Variants in TJP2 observed in about 807,000 individuals in gnomAD.
TJP2 encodes the protein tight junction protein 2.
TJP2 carries 91 observed loss-of-function variants against 133.1 expected under a neutral mutation model. That is an observed-to-expected ratio of 0.68 (90% CI 0.58 to 0.81). The LOEUF is 0.81. Among genes scored for constraint, TJP2 ranks in the 40% least tolerant of loss-of-function variants. The pLI, the probability that TJP2 is intolerant of heterozygous loss-of-function variation, is 0.00. For missense variants in TJP2, 1,541 were observed against 1,565.6 expected, an observed-to-expected ratio of 0.98 and a Z score of 0.26; for synonymous variants, 592 against 583.4, an observed-to-expected ratio of 1.01 and a Z score of -0.21.
intron 1 of TJP2, among the ~76,000 whole-genome samples, chr9:69,183,897 G>A (rs572531939): frequency 2.6e-5 from 4 of 152,118 alleles, no homozygotes; most frequent in African/African-American, 9.7e-5. Context: ...ACTACACCTA[G>A]CTAATTTTTG....
chr9:69,161,672 T>G (rs1035118033), intron 2 of TJP2, among the ~76,000 whole-genome samples: 5 of 151,772 alleles, frequency 3.3e-5, no homozygotes, highest in Non-Finnish European at 5.9e-5. Flanking sequence ...TATATATTAT[T>G]AATATTTATG....
At chr9:69,206,500 C>T (rs1314203965) in intron 1 of TJP2, among the ~76,000 whole-genome samples, 2 of 152,160 alleles carry the variant, frequency 1.3e-5, no homozygotes, top group African/African-American at 4.8e-5. Context: ...GGTATTAGAT[C>T]CTTCACCAGG....
At chr9:69,164,418 G>A (rs1028410324) in intron 2 of TJP2, among the ~76,000 whole-genome samples, 5 of 152,128 alleles carry the variant, frequency 3.3e-5, no homozygotes, top group African/African-American at 1.2e-4. Flanking sequence ...TAGAGCCCCT[G>A]AGAGGAGGGC....
chr9:69,191,214 C>T (rs2309425), intron 1 of TJP2, among the ~76,000 whole-genome samples: 71,540 of 152,074 alleles, frequency 0.47, 17,093 homozygotes, highest in South Asian at 0.53. Context: ...ATGCAGATTT[C>T]CTCCGTGTTA....
rs1209246576 is a variant in TJP2, at chr9:69,255,154, A to C, written c.*780A>C. The C allele has an allele frequency of 6.6e-6, 1 of 152,418 alleles. No individual in the cohort carries two copies. Among genetic ancestry groups the C allele is most frequent in the African/African-American group, 2.4e-5 (1 of 41,472 alleles). 9.4% of individuals were successfully genotyped at this position (152,418 alleles called of 1,614,324 possible). On this transcript the variant is annotated 3_prime_UTR_variant, in exon 23 of 23. Coordinates refer to ENST00000377245, the MANE Select transcript of TJP2 (RefSeq NM_004817.4). ...AAACACTATTTCCAAAAGCACATGT[A>C]TTGACAACAGTTTTATAATTTAATA...
chr9:69,234,008 T>C (rs1829979452), intron 11 of TJP2, among the ~76,000 whole-genome samples: 1 of 152,208 alleles, frequency 6.6e-6, no homozygotes. Flanking sequence ...AAAATTAGTG[T>C]AAATGCTGGG....
chr9:69,171,045 C>CAGTTT (rs142297059), upstream of TJP2, among the ~76,000 whole-genome samples: 1,073 of 152,290 alleles, frequency 7.0e-3, 20 homozygotes, highest in African/African-American at 0.025. Context: ...CCTGGATGAC[C>CAGTTT]CATAGCACTT....
chr9:69,230,014 T>A lies in TJP2; in HGVS notation c.1521-68T>A, dbSNP rs145151862. 8,200 of 1,580,472 alleles carry A rather than the reference T, an allele frequency of 5.2e-3. 50 individuals are homozygous for A. The highest frequency in any genetic ancestry group is 0.018 in the South Asian group (1,656 of 89,918). On this transcript the variant is annotated intron_variant, in intron 10 of 22. Transcript: ENST00000377245. ...GCTAGAAGAAATTAAATCTCTCATTTGCTAATGTTGTTCTCCCTTTTAAAA... is the reference window on the plus strand; with the variant it reads ...GCTAGAAGAAATTAAATCTCTCATTAGCTAATGTTGTTCTCCCTTTTAAAA...
At chr9:69,132,479 A>G (rs6560585) in intron 1 of TJP2, among the ~76,000 whole-genome samples, 69,169 of 152,022 alleles carry the variant, frequency 0.45, 15,844 homozygotes, top group East Asian at 0.61. Context: ...CTGGTGCTGC[A>G]GGAGAAGGTG....
chr9:69,219,045 C>A (rs1828606534), intron 4 of TJP2, among the ~76,000 whole-genome samples: 2 of 151,620 alleles, frequency 1.3e-5, no homozygotes, highest in African/African-American at 4.9e-5. Context: ...TCTTGGCTGA[C>A]CACAATCTCC....
At chr9:69,158,268 C>T (rs575400869) in intron 2 of TJP2, among the ~76,000 whole-genome samples, 1 of 129,214 alleles carries the variant, frequency 7.7e-6, no homozygotes, top group South Asian at 2.5e-4. Context: ...GTGGAGGTTG[C>T]AGTGAGCCTA....
chr9:69,246,726 T>C lies in TJP2; in HGVS notation c.2603T>C (p.Phe868Ser). ...CTAAATTCAGCCAATGATAGCTGGT[T>C]TGGCAGCTTAAAGGACACTATTCAG... ...INLNSANDSW[F>S]GSLKDTIQHQ... Residue 868 changes from phenylalanine to serine, a missense_variant, in exon 18 of 23, where the codon TTT becomes TCT. Coordinates refer to ENST00000377245, the MANE Select transcript of TJP2 (RefSeq NM_004817.4). 1.2e-6 allele frequency: 2 copies of C among 1,614,126 alleles called. No individual in the cohort carries two copies. The highest frequency in any genetic ancestry group is 1.7e-6 in the Non-Finnish European group (2 of 1,180,002).
intron 1 of TJP2, among the ~76,000 whole-genome samples, chr9:69,200,731 C>T (rs542549378): frequency 2.0e-5 from 3 of 152,228 alleles, no homozygotes; most frequent in African/African-American, 7.2e-5. Flanking sequence ...TATAACCCCA[C>T]CACTCACCCT....
At chr9:69,178,397 T>A (rs1443194130) in intron 1 of TJP2, among the ~76,000 whole-genome samples, 5 of 152,070 alleles carry the variant, frequency 3.3e-5, no homozygotes, top group African/African-American at 1.2e-4. Context: ...AAGCAGTGAG[T>A]TTGCTTTAAG....
intron 22 of TJP2, chr9:69,253,950 AC>A: frequency 1.9e-6 from 1 of 521,618 alleles, no homozygotes; most frequent in African/African-American, 1.9e-5. Context: ...TAAGGAGGGC[AC>A]CCCCTGTCCA....
rs1010808568 is a variant in TJP2, at chr9:69,236,220, T to C, written c.1973T>C (p.Leu658Ser). 3 of 1,614,032 alleles carry C rather than the reference T, an allele frequency of 1.9e-6. No homozygotes were observed. Among genetic ancestry groups the C allele is most frequent in the Non-Finnish European group, 1.7e-6 (2 of 1,180,030 alleles). ...ATTGGGAACGAGTTGGAGAAAGGCT[T>C]AATCCCCAACAAGAGCAGGTAACAG... ...VRIGNELEKG[L>S]IPNKSRAEQM... Residue 658 changes from leucine to serine, a missense_variant, in exon 13 of 23, where the codon TTA (leucine) becomes TCA (serine). By Grantham distance (145) the Leu-to-Ser change is moderately radical. Transcript: ENST00000377245.
At chr9:69,203,657 A>C (rs1588046316) in intron 1 of TJP2, among the ~76,000 whole-genome samples, 1 of 118,654 alleles carries the variant, frequency 8.4e-6, no homozygotes, top group Non-Finnish European at 1.6e-5. Context: ...TCTATGGCCC[A>C]GGCTGGAATG....
chr9:69,161,221 TG>T (rs1824053856), intron 2 of TJP2, among the ~76,000 whole-genome samples: 2 of 151,142 alleles, frequency 1.3e-5, no homozygotes, highest in Non-Finnish European at 2.9e-5. Context: ...GTGATGTGTG[TG>T]TGTGTGTGTG....
intron 6 of TJP2, 34 bp from the exon 7 acceptor site, chr9:69,225,988 T>C (rs371203786): frequency 3.7e-6 from 6 of 1,610,176 alleles, no homozygotes; most frequent in Non-Finnish European, 5.1e-6. Context: ...AATAATTTTA[T>C]TGCATTTAAC....
Sources: gnomAD v4.1 joint callset for allele counts (sites outside exome capture counted in the v4.1 genomes callset) on GRCh38, gnomAD v4.1.1 for gene constraint, MANE v1.5 for transcripts, NCBI Gene and HGNC (gene_info 2026-07-23, HGNC 2026-07-21) for gene names.